ANKRD12: variants seen among roughly 807,000 people sequenced by gnomAD.
ANKRD12 encodes the protein ankyrin repeat domain-containing protein 12.
A neutral mutation model predicts 183.4 loss-of-function variants in ANKRD12; 85 were observed. The observed-to-expected ratio is 0.46, with a 90% CI of 0.39 to 0.56. ANKRD12 has a LOEUF of 0.56. ANKRD12 is among the 20% of genes least tolerant of loss of function. ANKRD12 has a pLI of 0.00. For missense variants in ANKRD12, 2,405 were observed against 2,357.1 expected, an observed-to-expected ratio of 1.02 and a Z score of -0.42; for synonymous variants, 914 against 800.2, an observed-to-expected ratio of 1.14 and a Z score of -2.40.
chr18:9,220,007 G>A (rs2036330497), intron 7 of ANKRD12, among the ~76,000 whole-genome samples: 1 of 152,152 alleles, frequency 6.6e-6, no homozygotes, highest in Admixed American at 6.5e-5. Context: ...GTAAGCATGT[G>A]TAATTTGATA....
At chr18:9,179,034 C>T (rs72937244) in intron 1 of ANKRD12, among the ~76,000 whole-genome samples, 11,140 of 152,030 alleles carry the variant, frequency 0.073, 420 homozygotes, top group African/African-American at 0.082. Flanking sequence ...GAATTTAGTA[C>T]TTCTGATGTT....
At chr18:9,231,563 C>T (rs927159516) in intron 8 of ANKRD12, among the ~76,000 whole-genome samples, 27 of 151,710 alleles carry the variant, frequency 1.8e-4, no homozygotes, top group African/African-American at 5.8e-4. Context: ...CGCGGTGGCT[C>T]GAGCCTGTAA....
intron 1 of ANKRD12, among the ~76,000 whole-genome samples, chr18:9,179,303 A>C (rs1175236004): frequency 6.6e-6 from 1 of 152,060 alleles, no homozygotes; most frequent in Non-Finnish European, 1.5e-5. Flanking sequence ...TAAGTAGTAC[A>C]GTGTTGAATA....
intron 5 of ANKRD12, 99 bp from the exon 6 acceptor site, chr18:9,211,485 T>A (rs1040474815): frequency 1.8e-6 from 2 of 1,097,866 alleles, no homozygotes; most frequent in Non-Finnish European, 2.6e-6. Flanking sequence ...AAGGCATTCC[T>A]TGTGTTTCAG....
chr18:9,256,611 G>A lies in ANKRD12; in HGVS notation c.3344G>A (p.Cys1115Tyr). ...KEKERLRNRN[C>Y]LELKIKDKEK... is the part of the protein sequence containing the mutation. ...AAGGAACGGTTGAGAAACCGAAACT[G>A]TTTAGAACTTAAAATAAAAGATAAA... is the stretch of plus-strand genomic sequence containing the variant. The change falls in exon 9 of 13, where the codon TGT (cysteine) becomes TAT (tyrosine). Residue 1115 changes from cysteine to tyrosine, a missense_variant. Around this residue, in one of 7 missense-constraint regions of ANKRD12, gnomAD observed 1,983 missense variants for 1,725.9 expected, o/e 1.15. Transcript: ENST00000262126. 1 of 1,603,812 alleles carries A rather than the reference G, an allele frequency of 6.2e-7. No individual in the cohort carries two copies. The highest frequency in any genetic ancestry group is 2.2e-5 in the East Asian group (1 of 44,826).
intron 8 of ANKRD12, among the ~76,000 whole-genome samples, chr18:9,240,756 A>G (rs929922528): frequency 4.0e-4 from 61 of 152,192 alleles, no homozygotes; most frequent in African/African-American, 1.4e-3. Context: ...TAAATAGGCA[A>G]GCTACTTCTA....
rs749595788 is a variant in ANKRD12 at position 9,256,623 on chromosome 18, A to G, written c.3356A>G (p.Lys1119Arg). Residue 1119 changes from lysine to arginine, a missense_variant, in exon 9 of 13, where the codon AAA becomes AGA. Around this residue, in one of 7 missense-constraint regions of ANKRD12, gnomAD observed 1,983 missense variants for 1,725.9 expected, o/e 1.15. Coordinates refer to ENST00000262126, the MANE Select transcript of ANKRD12 (RefSeq NM_015208.5). ...AGAAACCGAAACTGTTTAGAACTTAAAATAAAAGATAAAGAAAAAACAAAG... is the reference window on the plus strand; with the variant it reads ...AGAAACCGAAACTGTTTAGAACTTAGAATAAAAGATAAAGAAAAAACAAAG... ...RLRNRNCLELKIKDKEKTKHT... is the reference protein window; with the variant it reads ...RLRNRNCLELRIKDKEKTKHT... 1.1e-5 allele frequency: 17 copies of G among 1,604,782 alleles called. No individual in the cohort carries two copies. In the Admixed American group the frequency reaches 2.3e-4, roughly 21 times the overall value.
At chr18:9,210,423 A>C (rs2035728184) in intron 5 of ANKRD12, among the ~76,000 whole-genome samples, 1 of 152,034 alleles carries the variant, frequency 6.6e-6, no homozygotes, top group African/African-American at 2.4e-5. Context: ...AATGTACTTT[A>C]AAATCCAAAA....
At chr18:9,188,817 C>T (rs1598495373) in intron 2 of ANKRD12, among the ~76,000 whole-genome samples, 1 of 152,202 alleles carries the variant, frequency 6.6e-6, no homozygotes, top group African/African-American at 2.4e-5. Flanking sequence ...AGATGGCAAG[C>T]TTAATGTTGT....
Position 9,281,639 on chromosome 18 carries a change from T to A in ANKRD12, c.*513T>A, listed in dbSNP as rs537418200. The A allele has an allele frequency of 6.5e-6, 1 of 152,818 alleles. No individual in the cohort carries two copies. The highest frequency in any genetic ancestry group is 2.1e-4 in the South Asian group (1 of 4,828). The allele number at this position is 152,818 out of a possible 1,614,324, so 9.5% of individuals were successfully genotyped here. A position where few individuals can be genotyped will look rare whatever the true frequency, so the allele number is the denominator to read the frequency against. ...GTTTTAATATTGTCTTCCTTTTTAA[T>A]AACTTATTTTATACATATTGTGCAG... is the stretch of plus-strand genomic sequence containing the variant. On this transcript the variant is annotated 3_prime_UTR_variant, in exon 13 of 13. Transcript: ENST00000262126.
intron 1 of ANKRD12, among the ~76,000 whole-genome samples, chr18:9,164,011 G>T (rs4797359): frequency 6.6e-6 from 1 of 151,970 alleles, no homozygotes; most frequent in East Asian, 1.9e-4. Context: ...CTATTGGAAT[G>T]CCTTTATTTC....
In ANKRD12 at chr18:9,240,197, G is replaced by T. The variant is rs140209471; in HGVS notation, c.944-14014G>T. On this transcript the variant is annotated intron_variant, in intron 8 of 12. Coordinates refer to ENST00000262126, the MANE Select transcript of ANKRD12 (RefSeq NM_015208.5). ...TTTGAGTAGCAGTTTTATGTCATGT[G>T]TATCAGACATTTATGATATTGTTGC... is the stretch of plus-strand genomic sequence containing the variant. 6.3e-3 allele frequency among the ~76,000 whole-genome samples: 952 copies of T among 152,232 alleles called. 10 individuals carry two copies. Among genetic ancestry groups the T allele is most frequent in the African/African-American group, 0.021 (893 of 41,536 alleles).
intron 6 of ANKRD12, among the ~76,000 whole-genome samples, chr18:9,213,232 A>G (rs948907091): frequency 6.6e-6 from 1 of 151,836 alleles, no homozygotes; most frequent in Non-Finnish European, 1.5e-5. Context: ...CCTGGAATTT[A>G]TGTCTTTATT....
chr18:9,269,094 C>G (rs1026811213), intron 10 of ANKRD12, among the ~76,000 whole-genome samples: 28 of 152,118 alleles, frequency 1.8e-4, no homozygotes, highest in Non-Finnish European at 3.2e-4. Context: ...AGGAGAACTA[C>G]AAACCACTGC....
rs528585391 is a variant in ANKRD12, at chr18:9,164,386, T to G, written c.-51-17996T>G. Among the ~76,000 whole-genome samples, 6 of 152,104 alleles carry G rather than the reference T, an allele frequency of 3.9e-5. No homozygotes were observed. The South Asian group carries it at 1.2e-3, about 32-fold the overall frequency. On this transcript the variant is annotated intron_variant, in intron 1 of 12. Transcript: ENST00000262126. ...GGGTGAAACCAACTTGATTTTTTTG[T>G]GTGTCTGTCTCCTTCAGTTCAGCTC...
At chr18:9,216,714 A>G in intron 6 of ANKRD12, 44 bp from the exon 7 acceptor site, 1 of 1,594,298 alleles carries the variant, frequency 6.3e-7, no homozygotes, top group Non-Finnish European at 8.6e-7. Flanking sequence ...ATATATTTTG[A>G]AGTAGCGCAA....
At position 9,280,961 on chromosome 18, in the gene ANKRD12, A is replaced by T; in HGVS notation, c.6024A>T (p.Gln2008His). ...AATAGACCTGTCTTTTAATGAGGCA[A>T]CAACATGAAGCTGCGGCTTTAAATG... Reference protein sequence around the residue: ...DKLKTCLLMRQQHEAAALNAV... With the variant: ...DKLKTCLLMRHQHEAAALNAV... Residue 2008 changes from glutamine (Q) to histidine (H), a missense_variant, in exon 13 of 13, where the codon CAA becomes CAT. Physicochemically the swap from Gln to His is conservative, Grantham distance 24 (BLOSUM62 0). Around this residue, in one of 7 missense-constraint regions of ANKRD12, gnomAD observed 162 missense variants for 272.2 expected, o/e 0.60. Coordinates refer to ENST00000262126, the MANE Select transcript of ANKRD12 (RefSeq NM_015208.5). 1 of 1,612,914 alleles carries T rather than the reference A, an allele frequency of 6.2e-7. No homozygotes were observed. Among genetic ancestry groups the T allele is most frequent in the East Asian group, 2.2e-5 (1 of 44,852 alleles).
chr18:9,257,894 A>G lies in ANKRD12; in HGVS notation c.4627A>G (p.Lys1543Glu). ...SALDTDNEST[K>E]DTENTFVLGD... ...TTTAGATACTGATAATGAATCTACA[A>G]AAGATACAGAAAATACTTTTGTCCT... is the stretch of plus-strand genomic sequence containing the variant. Residue 1543 changes from lysine to glutamate, a missense_variant, in exon 9 of 13, where the codon AAA becomes GAA. Physicochemically the swap from Lys to Glu is moderately conservative, Grantham distance 56. Coordinates refer to ENST00000262126, the MANE Select transcript of ANKRD12 (RefSeq NM_015208.5). 3.7e-6 allele frequency: 6 copies of G among 1,613,898 alleles called. No homozygotes were observed. The highest frequency in any genetic ancestry group is 5.1e-6 in the Non-Finnish European group (6 of 1,179,926).
At chr18:9,157,544 T>TGTGTGG (rs1328879416) in intron 1 of ANKRD12, among the ~76,000 whole-genome samples, 22 of 128,474 alleles carry the variant, frequency 1.7e-4, no homozygotes, top group Middle Eastern at 3.7e-3. Flanking sequence ...TTTTATGGTG[T>TGTGTGG]GTGTGGGTGT....
Sources: allele counts gnomAD v4.1 joint callset (sites outside exome capture counted in the v4.1 genomes callset), GRCh38; gene constraint gnomAD v4.1.1; regional missense constraint gnomAD v4.1.1; transcripts MANE v1.5; gene names NCBI Gene and HGNC (gene_info 2026-07-23, HGNC 2026-07-21).